PPIL4: variants seen among roughly 807,000 people sequenced by gnomAD.
The protein encoded by PPIL4 is peptidyl-prolyl cis-trans isomerase-like 4.
A neutral mutation model predicts 69.1 loss-of-function variants in PPIL4; 50 were observed. The ratio of observed to expected loss-of-function variants is 0.72; its 90% CI spans 0.58 to 0.92. The LOEUF (loss-of-function observed/expected upper bound fraction) is 0.92, where lower values mean the gene tolerates loss of function less well. Among genes scored for constraint, PPIL4 ranks in the 40% least tolerant of loss-of-function variants. The pLI is 0.00. For synonymous variants in PPIL4, 193 were observed against 191.6 expected, an observed-to-expected ratio of 1.01 and a Z score of -0.06; for missense variants, 480 against 587.9, an observed-to-expected ratio of 0.82 and a Z score of 1.90.
chr6:149,533,304 G>A (rs556230572), intron 7 of PPIL4, among the ~76,000 whole-genome samples, 154 bp downstream of exon 7: 1 of 152,218 alleles, frequency 6.6e-6, no homozygotes, highest in Non-Finnish European at 1.5e-5. Context: ...TCACAGTAGA[G>A]CCAATTTATT....
chr6:149,541,085 T>C (rs1459621201), intron 3 of PPIL4, 26 bp from the exon 4 acceptor site: 5 of 1,313,324 alleles, frequency 3.8e-6, no homozygotes, highest in Non-Finnish European at 5.5e-6. Context: ...AGGTTATAAA[T>C]GTAAGTACTC....
intron 11 of PPIL4, among the ~76,000 whole-genome samples, chr6:149,512,823 A>G (rs1199763718): frequency 6.7e-6 from 1 of 149,938 alleles, no homozygotes; most frequent in East Asian, 2.0e-4. Flanking sequence ...GCTCACTGCA[A>G]CCTCCGCCTC....
intron 9 of PPIL4, among the ~76,000 whole-genome samples, chr6:149,524,774 C>G (rs945257291): frequency 6.6e-6 from 1 of 152,048 alleles, no homozygotes; most frequent in Non-Finnish European, 1.5e-5. Context: ...TGGTGGTGGG[C>G]ACCTGTAATC....
chr6:149,536,959 C>G (rs777866489), intron 4 of PPIL4, among the ~76,000 whole-genome samples: 172 of 151,984 alleles, frequency 1.1e-3, no homozygotes, highest in African/African-American at 4.0e-3. Flanking sequence ...AACCCTGTCT[C>G]CACTAAAAAT....
intron 2 of PPIL4, 41 bp downstream of exon 2, chr6:149,541,478 G>T: frequency 2.6e-6 from 4 of 1,513,040 alleles, no homozygotes; most frequent in Non-Finnish European, 2.7e-6. Flanking sequence ...TTGTTAGATA[G>T]TTCCAATAAC....
At chr6:149,544,926 C>G (rs1287304348) in intron 1 of PPIL4, among the ~76,000 whole-genome samples, 2 of 152,168 alleles carry the variant, frequency 1.3e-5, no homozygotes, top group East Asian at 3.9e-4. Context: ...CTGTTTGTAA[C>G]TAATCTCTCC....
In PPIL4 at chr6:149,504,682, G is replaced by A. The variant is rs2115024096; in HGVS notation, c.*771C>T. ...TGAACTTAAGTGTTGGAGATGCTAT[G>A]AAACAAAGGTAACTCACAGTGCCAA... On this transcript the variant is annotated 3_prime_UTR_variant, in exon 13 of 13. Coordinates refer to ENST00000253329, the MANE Select transcript of PPIL4 (RefSeq NM_139126.4). 6.6e-6 allele frequency: 1 copy of A among 152,308 alleles called. No homozygotes were observed. The highest frequency in any genetic ancestry group is 1.9e-4 in the East Asian group (1 of 5,196). 9.4% of individuals were successfully genotyped at this position (152,308 alleles called of 1,614,324 possible). A position where few individuals can be genotyped will look rare whatever the true frequency, so the allele number is the denominator to read the frequency against.
chr6:149,527,089 T>C (rs1777119199), intron 7 of PPIL4, among the ~76,000 whole-genome samples: 1 of 152,232 alleles, frequency 6.6e-6, no homozygotes, highest in Admixed American at 6.5e-5. Flanking sequence ...CTGAGCATGG[T>C]AGCTCATGCC....
intron 11 of PPIL4, among the ~76,000 whole-genome samples, chr6:149,514,721 A>G (rs1301755874): frequency 2.0e-5 from 3 of 151,654 alleles, no homozygotes; most frequent in African/African-American, 7.3e-5. Flanking sequence ...ACAGAAATAC[A>G]GTATATGCCT....
Position 149,534,673 on chromosome 6 carries a change from CT to C in PPIL4, c.561+4del. Reference sequence around the variant, plus strand: ...TACATTTAATCATAAGAGGGCTTTACTTACATCTAATTGTTCCCTTGTAGGT... The same window carrying C: ...TACATTTAATCATAAGAGGGCTTTACTACATCTAATTGTTCCCTTGTAGGT... On this transcript the variant is annotated splice_donor_region_variant and intron_variant, in intron 6 of 12. Coordinates refer to ENST00000253329, the MANE Select transcript of PPIL4 (RefSeq NM_139126.4). The C allele has an allele frequency of 6.9e-7, 1 of 1,441,480 alleles. No homozygotes were observed. Among genetic ancestry groups the C allele is most frequent in the Non-Finnish European group, 9.6e-7 (1 of 1,036,354 alleles). The allele number at this position is 1,441,480 out of a possible 1,614,324, so 89.3% of individuals were successfully genotyped here. A position where few individuals can be genotyped will look rare whatever the true frequency, so the allele number is the denominator to read the frequency against.
chr6:149,512,565 T>G (rs1288553691), intron 11 of PPIL4, among the ~76,000 whole-genome samples: 1 of 152,192 alleles, frequency 6.6e-6, no homozygotes, highest in Admixed American at 6.5e-5. Context: ...AACGTATTTG[T>G]CAATAATTTA....
chr6:149,529,485 C>T (rs943557939), intron 7 of PPIL4, among the ~76,000 whole-genome samples: 1 of 151,486 alleles, frequency 6.6e-6, no homozygotes, highest in African/African-American at 2.4e-5. Flanking sequence ...AAAAAAGGGC[C>T]GGGCAGGGTG....
At chr6:149,507,998 CTGTA>C (rs560399867) in intron 12 of PPIL4, among the ~76,000 whole-genome samples, 141 of 152,252 alleles carry the variant, frequency 9.3e-4, no homozygotes, top group African/African-American at 3.2e-3. Context: ...AAAATGAGCC[CTGTA>C]TGTATGAAGG....
chr6:149,514,957 C>G (rs1025765859), intron 11 of PPIL4, among the ~76,000 whole-genome samples: 1 of 151,958 alleles, frequency 6.6e-6, no homozygotes, highest in African/African-American at 2.4e-5. Flanking sequence ...CTGCCTCAGC[C>G]TCCCGAGTAG....
chr6:149,545,661 C>T (rs145789928), intron 1 of PPIL4, among the ~76,000 whole-genome samples: 382 of 152,252 alleles, frequency 2.5e-3, no homozygotes, highest in South Asian at 5.0e-3. Flanking sequence ...ACACACGCCC[C>T]ACACACACAC....
chr6:149,537,568 G>T (rs951330810), intron 4 of PPIL4, among the ~76,000 whole-genome samples: 4 of 152,180 alleles, frequency 2.6e-5, no homozygotes, highest in Non-Finnish European at 5.9e-5. Context: ...TTAGCCGGGC[G>T]TGGTGGCAGG....
chr6:149,535,498 C>T, intron 5 of PPIL4, 98 bp downstream of exon 5: 2 of 719,334 alleles, frequency 2.8e-6, no homozygotes, highest in Non-Finnish European at 4.3e-6. Flanking sequence ...TATCCAGAAA[C>T]CAGTCCTATG....
At chr6:149,509,921 T>G (rs554027702) in intron 12 of PPIL4, among the ~76,000 whole-genome samples, 1 of 152,246 alleles carries the variant, frequency 6.6e-6, no homozygotes, top group African/African-American at 2.4e-5. Context: ...ACTACTACTT[T>G]TTTCTTTTAT....
intron 10 of PPIL4, among the ~76,000 whole-genome samples, chr6:149,519,565 G>GT (rs1776999331): frequency 6.6e-6 from 1 of 152,178 alleles, no homozygotes. Context: ...CTAGGAGGAG[G>GT]TAAGGTTTCA....
Sources: allele counts gnomAD v4.1 joint callset (sites outside exome capture counted in the v4.1 genomes callset), GRCh38; gene constraint gnomAD v4.1.1; transcripts MANE v1.5; gene names NCBI Gene and HGNC (gene_info 2026-07-23, HGNC 2026-07-21).